AR: variants seen among roughly 807,000 people sequenced by gnomAD.
AR encodes the protein androgen receptor.
AR carries 8 observed loss-of-function variants against 53.9 expected under a neutral mutation model. The ratio of observed to expected loss-of-function variants is 0.15; its 90% CI spans 0.09 to 0.27. AR has a LOEUF of 0.27. AR is among the 10% of genes least tolerant of loss of function. The pLI is 1.00. For missense variants in AR, 639 were observed against 742.5 expected (o/e 0.86, Z 1.62); for synonymous variants, 359 against 316.4 (o/e 1.13, Z -1.43).
chrX:67,672,290 C>A (rs2075870333), intron 2 of AR, among the ~76,000 whole-genome samples: 1 of 111,041 alleles, frequency 9.0e-6, no homozygotes, highest in African/African-American at 3.3e-5. Context: ...TGTTTTTCAT[C>A]CATTCAGCCA....
At position 67,701,674 on chromosome X, in the gene AR, TCACACACACACACA is replaced by T. The variant is rs3070104; in HGVS notation, c.1886-9705_1886-9692del. On this transcript the variant is annotated intron_variant, in intron 3 of 7. Transcript: ENST00000374690. ...TTCAATTCACCAGTGTACTAACCATTCACACACACACACACACACACACACACACACACACATGC... is the reference window on the plus strand; with the variant it reads ...TTCAATTCACCAGTGTACTAACCATTCACACACACACACACACACACATGC... Among the ~76,000 whole-genome samples, 780 of 97,495 alleles carry T rather than the reference TCACACACACACACA, an allele frequency of 8.0e-3. 6 individuals carry two copies. The highest frequency in any genetic ancestry group is 0.028 in the African/African-American group (745 of 26,991). The allele number at this position is 97,495 out of a possible 115,157, so 84.7% of individuals were successfully genotyped here.
rs931666194 is a variant in AR at position 67,643,541 on chromosome X, G to A, written c.1768+134G>A. Reference sequence around the variant, plus strand: ...TGGCAAGGCCCTATCAAATAACTTAGGAGCCTAAGGAAGCAAATTTTTGTA... The same window carrying A: ...TGGCAAGGCCCTATCAAATAACTTAAGAGCCTAAGGAAGCAAATTTTTGTA... On this transcript the variant is annotated intron_variant, in intron 2 of 7. Transcript: ENST00000374690. 4.3e-6 allele frequency: 4 copies of A among 934,341 alleles called. No individual in the cohort carries two copies. The Admixed American group carries it at 1.2e-4, about 29-fold the overall frequency. The allele number at this position is 934,341 out of a possible 1,213,427, so 77.0% of individuals were successfully genotyped here.
At chrX:67,601,855 C>A (rs1385764994) in intron 1 of AR, among the ~76,000 whole-genome samples, 1 of 111,676 alleles carries the variant, frequency 9.0e-6, no homozygotes, top group Non-Finnish European at 1.9e-5. Context: ...GTCCACCACA[C>A]CCCATTTTAC....
chrX:67,689,834 G>A, intron 3 of AR: 2 of 527,667 alleles, frequency 3.8e-6, no homozygotes, highest in South Asian at 6.9e-5. Context: ...ACAGTCCATA[G>A]TTAGGATAAA....
intron 3 of AR, chrX:67,695,229 G>A (rs1360887404): frequency 1.3e-5 from 10 of 752,217 alleles, no homozygotes; most frequent in African/African-American, 9.3e-5. Context: ...TAGGCAATTC[G>A]TATTTCCCCC....
intron 5 of AR, among the ~76,000 whole-genome samples, chrX:67,719,948 C>A (rs1339587004): frequency 8.9e-6 from 1 of 112,034 alleles, no homozygotes; most frequent in Non-Finnish European, 1.9e-5. Flanking sequence ...CTGTTTTTTT[C>A]TTTCTTTCTC....
chrX:67,681,899 T>C (rs1029988602), intron 2 of AR, among the ~76,000 whole-genome samples: 2 of 112,327 alleles, frequency 1.8e-5, no homozygotes, highest in Non-Finnish European at 3.8e-5. Context: ...TGATAAAGAC[T>C]AGTATTGTTT....
At chrX:67,685,655 AAAG>A (rs2075962029) in intron 2 of AR, among the ~76,000 whole-genome samples, 1 of 111,774 alleles carries the variant, frequency 8.9e-6, no homozygotes, top group African/African-American at 3.3e-5. Context: ...ACGCCATGCT[AAAG>A]GGGTGACAAG....
intron 1 of AR, among the ~76,000 whole-genome samples, chrX:67,593,184 T>C (rs1391145889): frequency 2.7e-5 from 3 of 110,773 alleles, no homozygotes; most frequent in Non-Finnish European, 3.8e-5. Flanking sequence ...CACATTTGAT[T>C]TCTTTGGAAA....
At chrX:67,641,511 G>A (rs1925763639) in intron 1 of AR, among the ~76,000 whole-genome samples, 1 of 111,967 alleles carries the variant, frequency 8.9e-6, no homozygotes, top group African/African-American at 3.2e-5. Flanking sequence ...GACATTTTTA[G>A]CCAAAAGAAA....
At chrX:67,699,457 G>A (rs774409105) in intron 3 of AR, among the ~76,000 whole-genome samples, 2 of 112,132 alleles carry the variant, frequency 1.8e-5, no homozygotes, top group South Asian at 7.4e-4. Flanking sequence ...CAACAACAGA[G>A]ACTCTTCCTT....
chrX:67,568,768 T>C, intron 1 of AR: 1 of 1,015,942 alleles, frequency 9.8e-7, no homozygotes, highest in Non-Finnish European at 1.3e-6. Flanking sequence ...GTCCCTCCTC[T>C]TCCCAACCCA....
At chrX:67,587,741 A>T (rs992187216) in intron 1 of AR, among the ~76,000 whole-genome samples, 5 of 111,440 alleles carry the variant, frequency 4.5e-5, no homozygotes, top group African/African-American at 1.6e-4. Flanking sequence ...CTGGCAAATG[A>T]TTTAACTTCT....
chrX:67,652,784 G>C (rs1359893302), intron 2 of AR, among the ~76,000 whole-genome samples: 1 of 111,822 alleles, frequency 8.9e-6, no homozygotes, highest in Non-Finnish European at 1.9e-5. Context: ...TTCTGTAACT[G>C]TATGTCTTCC....
rs61530657 is a variant in AR, at chrX:67,711,195, A to T, written c.1886-207A>T. ...GAATCAGAGTTTTCCTCTGCAAGCT[A>T]TGAAAAATTTGGGTTTAGCAGGTAT... is the stretch of plus-strand genomic sequence containing the variant. On this transcript the variant is annotated intron_variant, in intron 3 of 7. Transcript: ENST00000374690. 0.081 allele frequency among the ~76,000 whole-genome samples: 9,145 copies of T among 112,268 alleles called. 285 individuals are homozygous for T. The highest frequency in any genetic ancestry group is 0.11 in the African/African-American group (3,403 of 30,908).
At chrX:67,587,535 A>G (rs1437572822) in intron 1 of AR, among the ~76,000 whole-genome samples, 1 of 111,760 alleles carries the variant, frequency 8.9e-6, no homozygotes, top group Non-Finnish European at 1.9e-5. Context: ...TCCAAAGCAT[A>G]GCTGAAAATA....
chrX:67,670,494 A>C (rs1334370360), intron 2 of AR, among the ~76,000 whole-genome samples: 1 of 106,788 alleles, frequency 9.4e-6, no homozygotes, highest in East Asian at 2.9e-4. Flanking sequence ...ATGGAAACCA[A>C]AAAAATTAGC....
intron 2 of AR, among the ~76,000 whole-genome samples, chrX:67,660,750 G>C (rs1364361153): frequency 1.8e-5 from 2 of 111,842 alleles, no homozygotes; most frequent in Non-Finnish European, 3.8e-5. Flanking sequence ...TTTCTGTGAA[G>C]AAAGTCATGG....
At chrX:67,698,005 T>C (rs765143730) in intron 3 of AR, among the ~76,000 whole-genome samples, 1 of 111,471 alleles carries the variant, frequency 9.0e-6, no homozygotes, top group South Asian at 3.8e-4. Flanking sequence ...AATTAAGTAA[T>C]GATATTATCC....
Sources: allele counts gnomAD v4.1 joint callset (sites outside exome capture counted in the v4.1 genomes callset), GRCh38; gene constraint gnomAD v4.1.1; transcripts MANE v1.5; gene names NCBI Gene and HGNC (gene_info 2026-07-23, HGNC 2026-07-21).